The following GRM5 variants were observed in gnomAD, a reference collection of about 807,000 sequenced individuals.
GRM5 encodes metabotropic glutamate receptor 5.
A neutral mutation model predicts 83.1 loss-of-function variants in GRM5; 19 were observed. That is an observed-to-expected ratio of 0.23 (90% CI 0.16 to 0.34). The LOEUF (loss-of-function observed/expected upper bound fraction) is 0.34, where lower values mean the gene tolerates loss of function less well. Among genes scored for constraint, GRM5 ranks in the 10% least tolerant of loss-of-function variants. GRM5 has a pLI of 1.00. For missense variants in GRM5, 1,160 were observed against 1,588.3 expected (o/e 0.73, Z 4.58); for synonymous variants, 675 against 633.6 (o/e 1.07, Z -0.98).
chr11:88,615,717 G>A (rs1938459951), intron 4 of GRM5, among the ~76,000 whole-genome samples: 1 of 150,800 alleles, frequency 6.6e-6, no homozygotes, highest in African/African-American at 2.4e-5. Context: ...TTTTAAATTG[G>A]GGCCAGATGT....
At chr11:89,004,316 G>A (rs1310873415) in intron 2 of GRM5, among the ~76,000 whole-genome samples, 2 of 151,960 alleles carry the variant, frequency 1.3e-5, no homozygotes, top group African/African-American at 4.8e-5. Context: ...TTTTATTGGG[G>A]GTAGATTATT....
chr11:88,954,306 T>C (rs141144248), intron 2 of GRM5, among the ~76,000 whole-genome samples: 3,123 of 152,194 alleles, frequency 0.021, 97 homozygotes, highest in African/African-American at 0.07. Context: ...ATTGACCTCA[T>C]GAGCCCTCCA....
chr11:88,858,711 G>A (rs1944514342), intron 2 of GRM5, among the ~76,000 whole-genome samples: 1 of 151,944 alleles, frequency 6.6e-6, no homozygotes, highest in African/African-American at 2.4e-5. Flanking sequence ...AGCAACTCTA[G>A]TTCATATAAC....
chr11:88,969,339 T>C (rs1939093695), intron 2 of GRM5, among the ~76,000 whole-genome samples: 1 of 152,100 alleles, frequency 6.6e-6, no homozygotes, highest in Non-Finnish European at 1.5e-5. Context: ...AGTATTTTTA[T>C]ACCCCAAACT....
chr11:88,707,501 T>C (rs544821970), intron 3 of GRM5, among the ~76,000 whole-genome samples: 1 of 152,224 alleles, frequency 6.6e-6, no homozygotes, highest in African/African-American at 2.4e-5. Flanking sequence ...TCACTTCAAG[T>C]TTCTATGCCA....
At chr11:88,986,516 A>G (rs1939715999) in intron 2 of GRM5, among the ~76,000 whole-genome samples, 1 of 151,738 alleles carries the variant, frequency 6.6e-6, no homozygotes, top group Non-Finnish European at 1.5e-5. Context: ...AAAAATGTTT[A>G]TTCAACTCTT....
At chr11:88,763,120 T>C (rs971101677) in intron 3 of GRM5, among the ~76,000 whole-genome samples, 4 of 151,906 alleles carry the variant, frequency 2.6e-5, no homozygotes, top group Non-Finnish European at 5.9e-5. Flanking sequence ...CAAACCCCCA[T>C]GACACGAGTT....
At chr11:88,611,792 T>TTC (rs1425963465) in intron 4 of GRM5, among the ~76,000 whole-genome samples, 1 of 152,118 alleles carries the variant, frequency 6.6e-6, no homozygotes, top group Non-Finnish European at 1.5e-5. Flanking sequence ...CTAGTTCTTC[T>TTC]TCCTTTCCTG....
At chr11:88,793,694 G>A (rs1727038480) in intron 3 of GRM5, among the ~76,000 whole-genome samples, 1 of 152,092 alleles carries the variant, frequency 6.6e-6, no homozygotes. Context: ...AATAGTTTCA[G>A]AACAAACCTA....
rs572422139 is a variant in GRM5 at position 88,907,518 on chromosome 11, C to A, written c.662-57363G>T. 6.6e-5 allele frequency among the ~76,000 whole-genome samples: 10 copies of A among 152,304 alleles called. No individual in the cohort carries two copies. In the South Asian group the frequency reaches 2.1e-3, roughly 32 times the overall value. ...GTTTGGAAGGCTTCTAGTGCTCTAT[C>A]TTCTCACTAAATATTTGTATGACTT... is the stretch of plus-strand genomic sequence containing the variant. On this transcript the variant is annotated intron_variant, in intron 2 of 9. Coordinates refer to ENST00000305447, the MANE Select transcript of GRM5 (RefSeq NM_001143831.3).
rs1487208295 is a variant in GRM5, at chr11:88,645,899, G to C, written c.1147+7269C>G. 3.3e-5 allele frequency among the ~76,000 whole-genome samples: 5 copies of C among 152,036 alleles called. No homozygotes were observed. The East Asian group carries it at 9.6e-4, about 29-fold the overall frequency. On this transcript the variant is annotated intron_variant, in intron 4 of 9. Coordinates refer to ENST00000305447, the MANE Select transcript of GRM5 (RefSeq NM_001143831.3). ...TTGGCTATGCGGATGGAAGAGGTGG[G>C]GACTACTCACTCCTACACCTTGAGA...
chr11:89,038,915 A>G (rs765067349), intron 2 of GRM5, among the ~76,000 whole-genome samples: 5 of 152,214 alleles, frequency 3.3e-5, no homozygotes, highest in Non-Finnish European at 7.3e-5. Flanking sequence ...CCATTCTACT[A>G]AAATGGTTAC....
intron 4 of GRM5, among the ~76,000 whole-genome samples, chr11:88,633,502 T>C (rs1247813789): frequency 6.6e-6 from 1 of 152,196 alleles, no homozygotes; most frequent in Non-Finnish European, 1.5e-5. Context: ...TTTATATCTA[T>C]AATTTTCATT....
chr11:88,579,294 CTACTGTGT>C (rs1237748001), intron 7 of GRM5, among the ~76,000 whole-genome samples: 5 of 152,160 alleles, frequency 3.3e-5, no homozygotes, highest in African/African-American at 9.6e-5. Flanking sequence ...CATTGAATAT[CTACTGTGT>C]TCTAGCAGCC....
intron 3 of GRM5, among the ~76,000 whole-genome samples, chr11:88,689,411 G>A (rs1402832337): frequency 6.6e-6 from 1 of 152,192 alleles, no homozygotes; most frequent in Non-Finnish European, 1.5e-5. Context: ...TAACTGAGAT[G>A]TATAAGCCAT....
intron 8 of GRM5, among the ~76,000 whole-genome samples, chr11:88,526,734 T>C (rs887987911): frequency 6.6e-6 from 1 of 152,172 alleles, no homozygotes; most frequent in Non-Finnish European, 1.5e-5. Context: ...CTTAATTTTT[T>C]TTCCCTTCTA....
chr11:88,545,383 A>G (rs534295016), intron 8 of GRM5, among the ~76,000 whole-genome samples: 3 of 152,140 alleles, frequency 2.0e-5, no homozygotes, highest in Admixed American at 1.3e-4. Context: ...CTTCAAACCT[A>G]TTCTCTTTTA....
At chr11:88,746,730 T>C (rs1942153719) in intron 3 of GRM5, among the ~76,000 whole-genome samples, 1 of 152,182 alleles carries the variant, frequency 6.6e-6, no homozygotes. Flanking sequence ...GTTAATATGC[T>C]AGAATAGCTA....
At chr11:88,876,154 C>A (rs528874564) in intron 2 of GRM5, among the ~76,000 whole-genome samples, 5 of 152,208 alleles carry the variant, frequency 3.3e-5, no homozygotes, top group African/African-American at 1.2e-4. Context: ...GTGTAACCAC[C>A]TTTATCAATT....
Sources: gnomAD v4.1 joint callset for allele counts (sites outside exome capture counted in the v4.1 genomes callset) on GRCh38, gnomAD v4.1.1 for gene constraint, MANE v1.5 for transcripts, NCBI Gene and HGNC (gene_info 2026-07-23, HGNC 2026-07-21) for gene names.